The following SLC39A11 variants were observed in gnomAD, a reference collection of about 807,000 sequenced individuals.
SLC39A11 encodes zinc transporter ZIP11.
SLC39A11 carries 33 observed loss-of-function variants against 36.1 expected under a neutral mutation model. The observed-to-expected ratio is 0.91, with a 90% CI of 0.69 to 1.22. The LOEUF (loss-of-function observed/expected upper bound fraction) is 1.22. SLC39A11 is among the 50% of genes most tolerant of loss of function. The probability of loss-of-function intolerance (pLI) is 0.00; values close to 1 mark genes in which losing one functional copy is unlikely to be tolerated. For synonymous variants in SLC39A11, 166 were observed against 170.3 expected, an observed-to-expected ratio of 0.97 and a Z score of 0.20; for missense variants, 432 against 430.3, an observed-to-expected ratio of 1.00 and a Z score of -0.03.
intron 7 of SLC39A11, among the ~76,000 whole-genome samples, chr17:72,652,908 G>A (rs2069918329): frequency 6.6e-6 from 1 of 152,040 alleles, no homozygotes; most frequent in South Asian, 2.1e-4. Context: ...GAAACTCCCG[G>A]GAGATGTGGA....
rs60940301 is a variant in SLC39A11 at position 72,781,413 on chromosome 17, G to A, written c.602-44694C>T. ...ATTTTGTCTTATTTTGTTTCTTTTG[G>A]TTTTTTTTTTTTCTTTTTTCTTTTT... On this transcript the variant is annotated intron_variant, in intron 6 of 9. Coordinates refer to ENST00000255559, the MANE Select transcript of SLC39A11 (RefSeq NM_139177.4). Among the ~76,000 whole-genome samples, 34 of 136,658 alleles carry A rather than the reference G, an allele frequency of 2.5e-4. No individual in the cohort carries two copies. In the East Asian group the frequency reaches 6.8e-3, roughly 27 times the overall value. 89.7% of individuals were successfully genotyped at this position (136,658 alleles called of 152,430 possible).
chr17:72,917,248 G>A (rs1161650256), intron 5 of SLC39A11, among the ~76,000 whole-genome samples: 5 of 152,224 alleles, frequency 3.3e-5, no homozygotes, highest in Non-Finnish European at 7.3e-5. Context: ...TTCCGGGGTT[G>A]GGCCCTGAAA....
chr17:73,057,755 T>C (rs1173197737), intron 3 of SLC39A11, among the ~76,000 whole-genome samples: 14 of 152,240 alleles, frequency 9.2e-5, no homozygotes, highest in African/African-American at 2.6e-4. Context: ...CTGGCGAACA[T>C]GGTGAAACCC....
intron 7 of SLC39A11, among the ~76,000 whole-genome samples, chr17:72,716,164 CG>C (rs199914585): frequency 0.012 from 1,752 of 152,186 alleles, 24 homozygotes; most frequent in African/African-American, 0.039. Flanking sequence ...GTCATACAAG[CG>C]GGGTGTTGGG....
At chr17:72,985,627 G>C (rs1402837119) in intron 4 of SLC39A11, among the ~76,000 whole-genome samples, 2 of 151,930 alleles carry the variant, frequency 1.3e-5, no homozygotes, top group Admixed American at 1.3e-4. Context: ...TGGCCAGGCT[G>C]GTCTCGAACT....
chr17:72,886,516 T>C (rs1237656163), intron 5 of SLC39A11, among the ~76,000 whole-genome samples: 4 of 152,142 alleles, frequency 2.6e-5, no homozygotes, highest in African/African-American at 9.7e-5. Context: ...CGCCACTCTT[T>C]CTGCAGCTCA....
At chr17:72,907,882 G>A (rs570857176) in intron 5 of SLC39A11, among the ~76,000 whole-genome samples, 113 of 152,350 alleles carry the variant, frequency 7.4e-4, no homozygotes, top group African/African-American at 2.5e-3. Flanking sequence ...AAAGCGGGGC[G>A]TAGGGGAGAA....
intron 6 of SLC39A11, among the ~76,000 whole-genome samples, chr17:72,844,190 C>CA (rs2078949968): frequency 6.6e-6 from 1 of 152,144 alleles, no homozygotes; most frequent in Non-Finnish European, 1.5e-5. Flanking sequence ...CAAACAGGCT[C>CA]TTAAAATGGT....
At chr17:72,740,379 T>A (rs764323502) in intron 6 of SLC39A11, among the ~76,000 whole-genome samples, 1 of 152,094 alleles carries the variant, frequency 6.6e-6, no homozygotes, top group African/African-American at 2.4e-5. Flanking sequence ...TTTCTTAATG[T>A]TAAGAAAATC....
At chr17:73,018,846 GA>G (rs11300100) in intron 4 of SLC39A11, among the ~76,000 whole-genome samples, 22,839 of 145,178 alleles carry the variant, frequency 0.16, 1,970 homozygotes, top group African/African-American at 0.22. Context: ...ATCACTGGGA[GA>G]AAAAAAAAAA....
intron 7 of SLC39A11, among the ~76,000 whole-genome samples, chr17:72,693,926 T>A (rs1196458680): frequency 6.6e-6 from 1 of 152,142 alleles, no homozygotes; most frequent in African/African-American, 2.4e-5. Context: ...CCTCCCAAAG[T>A]GCCGGGACCA....
Position 73,048,738 on chromosome 17 carries a change from T to C in SLC39A11, c.148-17024A>G, listed in dbSNP as rs74982221. ...ATTAAATGAGATTATGTGTGCCAAA[T>C]TCTCAGCACAAAAACTGGCCTACAA... On this transcript the variant is annotated intron_variant, in intron 3 of 9. Coordinates refer to ENST00000255559, the MANE Select transcript of SLC39A11 (RefSeq NM_139177.4). Among the ~76,000 whole-genome samples the C allele has an allele frequency of 8.8e-3, 1,337 of 152,306 alleles. 16 individuals are homozygous for C. The highest frequency in any genetic ancestry group is 0.031 in the African/African-American group (1,300 of 41,580).
chr17:72,863,084 T>C (rs1489167811), intron 5 of SLC39A11, among the ~76,000 whole-genome samples: 1 of 152,078 alleles, frequency 6.6e-6, no homozygotes, highest in African/African-American at 2.4e-5. Context: ...GGTAACTTAA[T>C]TCAGAGGAGG....
intron 5 of SLC39A11, among the ~76,000 whole-genome samples, chr17:72,854,064 A>G (rs2079511995): frequency 6.6e-6 from 1 of 152,202 alleles, no homozygotes; most frequent in Non-Finnish European, 1.5e-5. Context: ...AAGCAAAACA[A>G]CATCAGAGAC....
intron 5 of SLC39A11, among the ~76,000 whole-genome samples, chr17:72,904,227 G>C (rs1205650182): frequency 2.6e-5 from 4 of 152,148 alleles, no homozygotes; most frequent in Non-Finnish European, 5.9e-5. Flanking sequence ...GAGTTCGAGA[G>C]CCCAGGAGTT....
chr17:72,759,230 C>G (rs926766718), intron 6 of SLC39A11, among the ~76,000 whole-genome samples: 6 of 151,336 alleles, frequency 4.0e-5, no homozygotes, highest in Admixed American at 3.3e-4. Flanking sequence ...CTATATAAAC[C>G]AAATAAATGT....
At chr17:73,026,843 T>C (rs2058573483) in intron 4 of SLC39A11, among the ~76,000 whole-genome samples, 1 of 151,940 alleles carries the variant, frequency 6.6e-6, no homozygotes, top group Admixed American at 6.6e-5. Context: ...CCAGGTGTGG[T>C]AGCTCACACC....
intron 7 of SLC39A11, among the ~76,000 whole-genome samples, chr17:72,658,443 G>C (rs1288186374): frequency 6.6e-6 from 1 of 152,218 alleles, no homozygotes; most frequent in Non-Finnish European, 1.5e-5. Context: ...AGGAAGAAAG[G>C]CATCCCCGGT....
intron 4 of SLC39A11, among the ~76,000 whole-genome samples, chr17:72,974,073 G>A (rs938881024): frequency 6.6e-6 from 1 of 151,910 alleles, no homozygotes; most frequent in African/African-American, 2.4e-5. Context: ...CTGACCCTTT[G>A]TAGGCCTAGG....
Sources: allele counts gnomAD v4.1 joint callset (sites outside exome capture counted in the v4.1 genomes callset), GRCh38; gene constraint gnomAD v4.1.1; transcripts MANE v1.5; gene names NCBI Gene and HGNC (gene_info 2026-07-23, HGNC 2026-07-21).